The following EXT1 variants were observed in gnomAD, a reference collection of about 807,000 sequenced individuals.
EXT1 encodes the protein exostosin-1.
In EXT1, 20 loss-of-function variants were observed where a neutral mutation model predicts 82.5. The observed-to-expected ratio is 0.24, with a 90% CI of 0.17 to 0.35. The LOEUF (loss-of-function observed/expected upper bound fraction) is 0.35. Ranked by LOEUF, EXT1 falls within the 10% of genes least tolerant of loss-of-function variation. The probability of loss-of-function intolerance (pLI) is 1.00; values close to 1 mark genes in which losing one functional copy is unlikely to be tolerated. For synonymous variants in EXT1, 348 were observed against 350.8 expected, an observed-to-expected ratio of 0.99 and a Z score of 0.09; for missense variants, 757 against 936.5, an observed-to-expected ratio of 0.81 and a Z score of 2.50.
At chr8:117,858,848 A>AAGGAAGGAAGGAAGGAAGGAAG (rs1563582262) in intron 1 of EXT1, among the ~76,000 whole-genome samples, 1 of 31,908 alleles carries the variant, frequency 3.1e-5, no homozygotes, top group East Asian at 9.3e-4. Context: ...AAGGAAGGAA[A>AAGGAAGGAAGGAAGGAAGGAAG]GAAAGAAAGA....
At chr8:117,972,561 C>A (rs73323973) in intron 1 of EXT1, among the ~76,000 whole-genome samples, 1 of 152,196 alleles carries the variant, frequency 6.6e-6, no homozygotes, top group Non-Finnish European at 1.5e-5. Context: ...CTCACGCACA[C>A]ATACTATGGT....
chr8:118,102,250 G>A (rs528738198), intron 1 of EXT1, among the ~76,000 whole-genome samples: 1 of 151,720 alleles, frequency 6.6e-6, no homozygotes, highest in Admixed American at 6.6e-5. Context: ...CTGGGTGACA[G>A]AGCAAGACTC....
At chr8:118,067,288 C>T (rs980766023) in intron 1 of EXT1, among the ~76,000 whole-genome samples, 15 of 152,224 alleles carry the variant, frequency 9.9e-5, no homozygotes, top group African/African-American at 3.1e-4. Flanking sequence ...ATACCACCTC[C>T]AACACTGTGT....
intron 1 of EXT1, among the ~76,000 whole-genome samples, chr8:117,864,498 C>A (rs968133801): frequency 2.0e-5 from 3 of 152,150 alleles, no homozygotes; most frequent in Non-Finnish European, 1.5e-5. Context: ...GCCTGTAATC[C>A]CAGCACTTTG....
intron 1 of EXT1, among the ~76,000 whole-genome samples, chr8:118,063,890 G>A (rs913941563): frequency 3.4e-5 from 5 of 148,448 alleles, no homozygotes; most frequent in African/African-American, 1.3e-4. Context: ...TTATTGAGAC[G>A]GAGTCTCGCT....
chr8:117,814,637 C>T (rs1811766403), intron 7 of EXT1, among the ~76,000 whole-genome samples: 1 of 152,134 alleles, frequency 6.6e-6, no homozygotes, highest in African/African-American at 2.4e-5. Context: ...TTTAGGAACA[C>T]ATATGCCAAT....
intron 1 of EXT1, among the ~76,000 whole-genome samples, chr8:117,935,560 T>C (rs1814143807): frequency 6.6e-6 from 1 of 151,952 alleles, no homozygotes; most frequent in African/African-American, 2.4e-5. Context: ...AGGATCTCCC[T>C]ATGTTGCCCA....
chr8:117,863,255 C>A (rs941091316), intron 1 of EXT1, among the ~76,000 whole-genome samples: 1 of 119,702 alleles, frequency 8.4e-6, no homozygotes, highest in African/African-American at 2.6e-5. Context: ...GGTGAAGTGA[C>A]TTGCCCCCAG....
chr8:117,844,874 C>G (rs1478383937), intron 1 of EXT1, among the ~76,000 whole-genome samples: 1 of 150,548 alleles, frequency 6.6e-6, no homozygotes, highest in Admixed American at 6.6e-5. Context: ...CAATTCCTTA[C>G]TCAAGACAGT....
intron 1 of EXT1, among the ~76,000 whole-genome samples, chr8:118,046,686 G>C (rs1403756756): frequency 6.6e-6 from 1 of 152,144 alleles, no homozygotes; most frequent in Admixed American, 6.5e-5. Flanking sequence ...TTCTAAAATT[G>C]AAAACTCCTG....
intron 4 of EXT1, among the ~76,000 whole-genome samples, chr8:117,826,055 A>G (rs1175002590): frequency 6.6e-6 from 1 of 152,166 alleles, no homozygotes; most frequent in Non-Finnish European, 1.5e-5. Flanking sequence ...GTGTTTTTTC[A>G]TTGTCCTCAT....
intron 1 of EXT1, among the ~76,000 whole-genome samples, chr8:117,897,591 C>CTTTGTTT (rs1813365009): frequency 1.1e-5 from 1 of 90,656 alleles, no homozygotes; most frequent in East Asian, 3.7e-4. Context: ...CTTCTTTTCT[C>CTTTGTTT]TTTTTTTTTT....
chr8:118,022,047 T>G (rs1344741379), intron 1 of EXT1, among the ~76,000 whole-genome samples: 3 of 152,126 alleles, frequency 2.0e-5, no homozygotes, highest in Non-Finnish European at 4.4e-5. Flanking sequence ...TCAACCTATT[T>G]TGGTCAATGC....
At chr8:117,981,642 G>A (rs759313110) in intron 1 of EXT1, among the ~76,000 whole-genome samples, 74 of 151,966 alleles carry the variant, frequency 4.9e-4, no homozygotes, top group Admixed American at 1.1e-3. Flanking sequence ...GGCCAAGGCA[G>A]GCAGATCACT....
intron 1 of EXT1, among the ~76,000 whole-genome samples, chr8:118,080,262 C>T (rs759186324): frequency 4.6e-5 from 7 of 152,286 alleles, no homozygotes; most frequent in South Asian, 4.2e-4. Flanking sequence ...ACAAGAACTT[C>T]GTACCACCCT....
intron 1 of EXT1, among the ~76,000 whole-genome samples, chr8:118,103,953 C>G (rs539478388): frequency 1.3e-5 from 2 of 152,202 alleles, no homozygotes; most frequent in East Asian, 1.9e-4. Context: ...ACCTGACTCA[C>G]GCTTCACGTA....
At chr8:117,859,451 A>G (rs1587015421) in intron 1 of EXT1, among the ~76,000 whole-genome samples, 3 of 152,222 alleles carry the variant, frequency 2.0e-5, no homozygotes, top group Admixed American at 6.5e-5. Flanking sequence ...GGAAATCTGG[A>G]AAGTGTGGTA....
At chr8:117,954,177 T>C (rs1814545365) in intron 1 of EXT1, among the ~76,000 whole-genome samples, 1 of 152,200 alleles carries the variant, frequency 6.6e-6, no homozygotes, top group Non-Finnish European at 1.5e-5. Context: ...CCGCGACTAA[T>C]GGAAGCCCAG....
intron 1 of EXT1, among the ~76,000 whole-genome samples, chr8:118,001,595 A>C (rs1815667274): frequency 6.6e-6 from 1 of 152,196 alleles, no homozygotes; most frequent in Non-Finnish European, 1.5e-5. Flanking sequence ...ATGTACAAAA[A>C]TAAGAAGAAT....
Sources: gnomAD v4.1 joint callset for allele counts (sites outside exome capture counted in the v4.1 genomes callset) on GRCh38, gnomAD v4.1.1 for gene constraint, MANE v1.5 for transcripts, NCBI Gene and HGNC (gene_info 2026-07-23, HGNC 2026-07-21) for gene names.